The following ATP7A variants were observed in gnomAD, a reference collection of about 807,000 sequenced individuals.
ATP7A encodes the protein ATPase copper transporting alpha, also known as copper-transporting ATPase 1.
In ATP7A, 7 loss-of-function variants were observed where a neutral mutation model predicts 83.5. The ratio of observed to expected loss-of-function variants is 0.08; its 90% CI spans 0.05 to 0.16. ATP7A has a LOEUF of 0.16. Among genes scored for constraint, ATP7A ranks in the 10% least tolerant of loss-of-function variants. ATP7A has a pLI of 1.00. For missense variants in ATP7A, 940 were observed against 1,120.8 expected (o/e 0.84, Z 2.30); for synonymous variants, 354 against 395.2 (o/e 0.90, Z 1.24).
At chrX:77,967,146 C>G (rs782360450) in intron 1 of ATP7A, among the ~76,000 whole-genome samples, 67 of 111,913 alleles carry the variant, frequency 6.0e-4, no homozygotes, top group Non-Finnish European at 1.1e-3. Flanking sequence ...TTTCTCCAGT[C>G]TATCATTGAT....
intron 1 of ATP7A, among the ~76,000 whole-genome samples, chrX:77,970,468 C>T (rs2077539852): frequency 9.0e-6 from 1 of 110,678 alleles, no homozygotes. Flanking sequence ...GTCAGGTGTT[C>T]GAGACCAGCC....
intron 12 of ATP7A, 61 bp downstream of exon 12, chrX:78,015,942 C>T (rs782151264): frequency 5.2e-6 from 6 of 1,153,149 alleles, no homozygotes; most frequent in Non-Finnish European, 7.1e-6. Flanking sequence ...AAAGATGAAG[C>T]ACTTTTTGTA....
At chrX:77,954,146 AT>A (rs1206133261) in intron 1 of ATP7A, among the ~76,000 whole-genome samples, 2 of 110,760 alleles carry the variant, frequency 1.8e-5, no homozygotes, top group Non-Finnish European at 3.8e-5. Context: ...TATTTATTTT[AT>A]TTTTTTTCCT....
Position 77,940,120 on chromosome X carries a change from A to C in ATP7A, c.-22+29285A>C, listed in dbSNP as rs782285889. Among the ~76,000 whole-genome samples, 10 of 111,108 alleles carry C rather than the reference A, an allele frequency of 9.0e-5. No individual in the cohort carries two copies. The East Asian group carries it at 2.8e-3, about 31-fold the overall frequency. ...ACAAGGGGGATGTGCCTTATTAGAC[A>C]AAAAAATGCATTAAAATGTACAACA... On this transcript the variant is annotated intron_variant, in intron 1 of 22. Coordinates refer to ENST00000341514, the MANE Select transcript of ATP7A (RefSeq NM_000052.7).
chrX:77,982,640 C>T (rs782118390), intron 2 of ATP7A, among the ~76,000 whole-genome samples: 1 of 112,425 alleles, frequency 8.9e-6, no homozygotes, highest in South Asian at 3.6e-4. Flanking sequence ...CCATAAATTG[C>T]TCAAATCATA....
rs782505393 is a variant in ATP7A, at chrX:77,989,874, A to T, written c.1252A>T (p.Thr418Ser). The change falls in exon 4 of 23, where the codon ACT (threonine) becomes TCT (serine). Residue 418 changes from threonine to serine, a missense_variant. By Grantham distance (58) the Thr-to-Ser change is moderately conservative (BLOSUM62 1). This residue lies in a region of ATP7A where 350 missense variants were observed against 432.8 expected (regional missense o/e 0.81). Coordinates refer to ENST00000341514, the MANE Select transcript of ATP7A (RefSeq NM_000052.7). ...AGTCTCCCTTGCAAATAGCAATGGG[A>T]CTGTTGAGTATGATCCTCTACTAAC... ...IRVSLANSNG[T>S]VEYDPLLTSP... 9.1e-6 allele frequency: 11 copies of T among 1,210,171 alleles called. No homozygotes were observed. Among genetic ancestry groups the T allele is most frequent in the Non-Finnish European group, 1.1e-5 (10 of 894,411 alleles).
Position 78,003,873 on chromosome X carries a change from C to T in ATP7A, c.1707+637C>T, listed in dbSNP as rs935118970. Among the ~76,000 whole-genome samples the T allele has an allele frequency of 4.5e-5, 5 of 110,989 alleles. No homozygotes were observed. In the South Asian group the frequency reaches 1.1e-3, roughly 25 times the overall value. ...ATGAGAATCACTTAAACCCAGGCGG[C>T]GGAGGTTGCAGTGAGCTGAGATCAC... is the stretch of plus-strand genomic sequence containing the variant. On this transcript the variant is annotated intron_variant, in intron 6 of 22. Transcript: ENST00000341514.
At chrX:77,931,509 G>A (rs1263223555) in intron 1 of ATP7A, among the ~76,000 whole-genome samples, 1 of 112,484 alleles carries the variant, frequency 8.9e-6, no homozygotes, top group East Asian at 2.8e-4. Flanking sequence ...ATCCCGGCCC[G>A]TTCTCAATGA....
chrX:78,033,594 C>G lies in ATP7A; in HGVS notation c.3295-11C>G. 1 of 1,207,264 alleles carries G rather than the reference C, an allele frequency of 8.3e-7. No individual in the cohort carries two copies. The highest frequency in any genetic ancestry group is 1.1e-6 in the Non-Finnish European group (1 of 891,467). On this transcript the variant is annotated splice_polypyrimidine_tract_variant and intron_variant, in intron 16 of 22. Transcript: ENST00000341514. Reference sequence around the variant, plus strand: ...AACAGTAGAGGAAATCCTTTTGTTTCTGTTTGTTAGGAGCTGGACACTGAA... The same window carrying G: ...AACAGTAGAGGAAATCCTTTTGTTTGTGTTTGTTAGGAGCTGGACACTGAA...
At chrX:77,954,179 A>G (rs370200633) in intron 1 of ATP7A, among the ~76,000 whole-genome samples, 84 of 111,790 alleles carry the variant, frequency 7.5e-4, no homozygotes, top group African/African-American at 1.7e-3. Context: ...TCACTCTGTC[A>G]CCCAGGCTGG....
chrX:77,929,770 A>G (rs2077261960), intron 1 of ATP7A, among the ~76,000 whole-genome samples: 1 of 109,948 alleles, frequency 9.1e-6, no homozygotes, highest in Admixed American at 9.7e-5. Flanking sequence ...GCTCAGCTAA[A>G]TCTTAATTTC....
chrX:78,024,306 G>A (rs1352204738), intron 14 of ATP7A, among the ~76,000 whole-genome samples: 4 of 112,071 alleles, frequency 3.6e-5, no homozygotes, highest in African/African-American at 1.3e-4. Flanking sequence ...ATTTAGGATT[G>A]CTTTTTAAAT....
chrX:78,047,705 G>T lies in ATP7A; in HGVS notation c.*1135G>T, dbSNP rs1300540890. Reference sequence around the variant, plus strand: ...CTGCCTCAGCCTCCTGAGTAGCTAGGATTACAGGTGCCTGCCACCACACCC... The same window carrying T: ...CTGCCTCAGCCTCCTGAGTAGCTAGTATTACAGGTGCCTGCCACCACACCC... On this transcript the variant is annotated 3_prime_UTR_variant, in exon 23 of 23. Coordinates refer to ENST00000341514, the MANE Select transcript of ATP7A (RefSeq NM_000052.7). 3 of 110,630 alleles carry T rather than the reference G, an allele frequency of 2.7e-5. No homozygotes were observed. Among genetic ancestry groups the T allele is most frequent in the Admixed American group, 9.7e-5 (1 of 10,264 alleles). 9.1% of individuals were successfully genotyped at this position (110,630 alleles called of 1,213,427 possible).
chrX:78,050,288 A>T lies in ATP7A; in HGVS notation c.*3718A>T, dbSNP rs1371006328. The T allele has an allele frequency of 3.6e-5, 4 of 112,462 alleles. No homozygotes were observed. The highest frequency in any genetic ancestry group is 2.8e-4 in the Admixed American group (3 of 10,530). The allele number at this position is 112,462 out of a possible 1,213,427, so 9.3% of individuals were successfully genotyped here. A position where few individuals can be genotyped will look rare whatever the true frequency, so the allele number is the denominator to read the frequency against. Reference sequence around the variant, plus strand: ...CAGTGGACGATGTTGTGCAATATCCATCTACTGTAGTTAAGATATTCAGTA... The same window carrying T: ...CAGTGGACGATGTTGTGCAATATCCTTCTACTGTAGTTAAGATATTCAGTA... On this transcript the variant is annotated 3_prime_UTR_variant, in exon 23 of 23. Coordinates refer to ENST00000341514, the MANE Select transcript of ATP7A (RefSeq NM_000052.7).
chrX:77,934,073 T>C (rs1339226466), intron 1 of ATP7A, among the ~76,000 whole-genome samples: 3 of 111,653 alleles, frequency 2.7e-5, no homozygotes, highest in Admixed American at 9.5e-5. Flanking sequence ...ACATTAGAAG[T>C]AGGTCCTGTA....
In ATP7A at chrX:77,974,225, C is replaced by T. The variant is rs1603379189; in HGVS notation, c.120+2464C>T. Among the ~76,000 whole-genome samples, 3 of 109,755 alleles carry T rather than the reference C, an allele frequency of 2.7e-5. No homozygotes were observed. In the South Asian group the frequency reaches 1.2e-3, roughly 43 times the overall value. ...GTGGCACAATGTTGGCTCACTGCAA[C>T]GTCCACCTCCTGGGTTCAAGCAATT... On this transcript the variant is annotated intron_variant, in intron 2 of 22. Coordinates refer to ENST00000341514, the MANE Select transcript of ATP7A (RefSeq NM_000052.7).
At chrX:78,025,612 C>T (rs1261573378) in intron 14 of ATP7A, among the ~76,000 whole-genome samples, 1 of 111,160 alleles carries the variant, frequency 9.0e-6, no homozygotes, top group Non-Finnish European at 1.9e-5. Context: ...ACAAGATGAC[C>T]ATCCTCAGGG....
chrX:77,997,500 A>C (rs1557232680), intron 4 of ATP7A, among the ~76,000 whole-genome samples: 2 of 112,382 alleles, frequency 1.8e-5, no homozygotes, highest in Non-Finnish European at 3.8e-5. Context: ...TGCTAGCTAA[A>C]TAGACATGAG....
At chrX:77,974,525 T>C (rs1028308595) in intron 2 of ATP7A, among the ~76,000 whole-genome samples, 14 of 111,211 alleles carry the variant, frequency 1.3e-4, no homozygotes, top group Non-Finnish European at 2.1e-4. Flanking sequence ...CAATTTTGAT[T>C]GGGAGTGGTG....
Sources: gnomAD v4.1 joint callset for allele counts (sites outside exome capture counted in the v4.1 genomes callset) on GRCh38, gnomAD v4.1.1 for gene constraint, gnomAD v4.1.1 regional missense constraint, MANE v1.5 for transcripts, NCBI Gene and HGNC (gene_info 2026-07-23, HGNC 2026-07-21) for gene names.